Variants in SORCS2 observed in about 807,000 individuals in gnomAD.
SORCS2 encodes VPS10 domain-containing receptor SorCS2.
A neutral mutation model predicts 141.6 loss-of-function variants in SORCS2; 100 were observed. The observed-to-expected ratio is 0.71, with a 90% CI of 0.60 to 0.83. The LOEUF is 0.83. Among genes scored for constraint, SORCS2 ranks in the 40% least tolerant of loss-of-function variants. The pLI is 0.00. For synonymous variants in SORCS2, 789 were observed against 676.9 expected (o/e 1.17, Z -2.57); for missense variants, 1,646 against 1,560.2 (o/e 1.05, Z -0.93).
At chr4:7,260,430 A>G (rs1035653863) in intron 1 of SORCS2, among the ~76,000 whole-genome samples, 3 of 152,146 alleles carry the variant, frequency 2.0e-5, no homozygotes, top group Non-Finnish European at 2.9e-5. Context: ...TGATTGATCC[A>G]TCAATGGATT....
intron 21 of SORCS2, 23 bp from the exon 22 acceptor site, chr4:7,728,326 TC>T: frequency 6.3e-7 from 1 of 1,577,132 alleles, no homozygotes; most frequent in Non-Finnish European, 8.7e-7. Flanking sequence ...AACTGACCAG[TC>T]TCCCTTCTCT....
At chr4:7,434,505 G>A in intron 2 of SORCS2, 2 of 1,612,528 alleles carry the variant, frequency 1.2e-6, no homozygotes, top group African/African-American at 1.3e-5. Flanking sequence ...CACTGTCCGG[G>A]GCCCCACGGA....
chr4:7,667,097 C>G (rs1297874767), intron 7 of SORCS2, 27 bp from the exon 8 acceptor site: 2 of 1,596,338 alleles, frequency 1.3e-6, no homozygotes, highest in Admixed American at 1.7e-5. Flanking sequence ...TCAAGCCTCT[C>G]AAAAATGTGT....
intron 1 of SORCS2, among the ~76,000 whole-genome samples, chr4:7,265,220 C>A (rs528842252): frequency 6.6e-6 from 1 of 152,196 alleles, no homozygotes; most frequent in Admixed American, 6.5e-5. Context: ...AGGCTGGGCA[C>A]GATGGCTCAT....
chr4:7,693,088 G>A (rs956725155), intron 11 of SORCS2, among the ~76,000 whole-genome samples: 1 of 152,182 alleles, frequency 6.6e-6, no homozygotes, highest in Non-Finnish European at 1.5e-5. Context: ...GGTTCTTCCC[G>A]ACTGGGCGTG....
intron 14 of SORCS2, among the ~76,000 whole-genome samples, chr4:7,704,671 A>G (rs1725303010): frequency 6.6e-6 from 1 of 152,184 alleles, no homozygotes; most frequent in Non-Finnish European, 1.5e-5. Flanking sequence ...GCTCAGCCCC[A>G]GCTTGGGCCA....
intron 1 of SORCS2, among the ~76,000 whole-genome samples, chr4:7,210,143 C>T (rs1278670561): frequency 3.3e-5 from 5 of 152,174 alleles, no homozygotes; most frequent in African/African-American, 7.2e-5. Context: ...CAGAGAAGGA[C>T]GTCATCAGCC....
At position 7,683,019 on chromosome 4, in the gene SORCS2, C is replaced by G. The variant is rs955145305; in HGVS notation, c.1488+130C>G. On this transcript the variant is annotated intron_variant, in intron 10 of 26. Transcript: ENST00000507866. ...GAGACACATGAACCACCTATTTCTG[C>G]TGGGTGTGGTAGAGAGGGTCAAATG... 5.8e-6 allele frequency: 7 copies of G among 1,202,276 alleles called. No individual in the cohort carries two copies. The African/African-American group carries it at 1.1e-4, about 19-fold the overall frequency. The allele number at this position is 1,202,276 out of a possible 1,614,324, so 74.5% of individuals were successfully genotyped here.
At chr4:7,334,799 C>T (rs375697422) in intron 1 of SORCS2, among the ~76,000 whole-genome samples, 6 of 152,074 alleles carry the variant, frequency 3.9e-5, no homozygotes, top group African/African-American at 1.2e-4. Context: ...TGGCCGGCTT[C>T]ATGGAAGAGG....
intron 8 of SORCS2, among the ~76,000 whole-genome samples, chr4:7,672,619 G>T (rs568643993): frequency 5.1e-4 from 78 of 152,154 alleles, no homozygotes; most frequent in Admixed American, 1.1e-3. Context: ...CTTTCTACCT[G>T]CTTGCCTCTC....
At chr4:7,686,839 G>C (rs1723910581) in intron 10 of SORCS2, among the ~76,000 whole-genome samples, 2 of 152,234 alleles carry the variant, frequency 1.3e-5, no homozygotes, top group African/African-American at 4.8e-5. Context: ...CCGTCTGTTT[G>C]GCCGTCAGCA....
At position 7,388,022 on chromosome 4, in the gene SORCS2, A is replaced by T. The variant is rs528992539; in HGVS notation, c.481-8266A>T. On this transcript the variant is annotated intron_variant, in intron 1 of 26. Coordinates refer to ENST00000507866, the MANE Select transcript of SORCS2 (RefSeq NM_020777.3). ...CACACATGCACATGCATACAGATAC[A>T]CAGATACGCACACATGCACACACAC... Among the ~76,000 whole-genome samples, 10 of 152,076 alleles carry T rather than the reference A, an allele frequency of 6.6e-5. No homozygotes were observed. In the South Asian group the frequency reaches 1.2e-3, roughly 19 times the overall value.
chr4:7,512,468 AAGT>A (rs1732724231), intron 2 of SORCS2, among the ~76,000 whole-genome samples: 1 of 151,926 alleles, frequency 6.6e-6, no homozygotes, highest in Admixed American at 6.6e-5. Context: ...GGCAGGTAGG[AAGT>A]GTCCCTAGAG....
At chr4:7,238,768 T>A (rs545075417) in intron 1 of SORCS2, among the ~76,000 whole-genome samples, 59 of 152,288 alleles carry the variant, frequency 3.9e-4, no homozygotes, top group Admixed American at 1.3e-3. Context: ...CTCTGCTCCC[T>A]CTCTGGAGTC....
intron 8 of SORCS2, among the ~76,000 whole-genome samples, chr4:7,674,389 C>T (rs1380085518): frequency 1.3e-5 from 2 of 151,900 alleles, no homozygotes; most frequent in African/African-American, 2.4e-5. Flanking sequence ...CTGGCTAACA[C>T]AGTGAAACCC....
At chr4:7,662,284 C>T (rs1722228477) in intron 6 of SORCS2, among the ~76,000 whole-genome samples, 1 of 143,950 alleles carries the variant, frequency 6.9e-6, no homozygotes, top group Non-Finnish European at 1.5e-5. Context: ...GTGCTATTAC[C>T]GTTCTGTGTT....
chr4:7,318,883 GC>G, intron 1 of SORCS2, among the ~76,000 whole-genome samples: 1 of 152,258 alleles, frequency 6.6e-6, no homozygotes. Context: ...TGCCTTAGTA[GC>G]CAGTCTTCTC....
intron 2 of SORCS2, among the ~76,000 whole-genome samples, chr4:7,428,414 C>A (rs1726601459): frequency 6.6e-6 from 1 of 152,168 alleles, no homozygotes; most frequent in Admixed American, 6.5e-5. Flanking sequence ...GTGGCAGAGA[C>A]CACTGAGACG....
chr4:7,234,079 C>T (rs1056750438), intron 1 of SORCS2, among the ~76,000 whole-genome samples: 2 of 152,306 alleles, frequency 1.3e-5, no homozygotes, highest in African/African-American at 4.8e-5. Context: ...GCCCCATCTC[C>T]CCAGGTGCTG....
Sources: allele counts gnomAD v4.1 joint callset (sites outside exome capture counted in the v4.1 genomes callset), GRCh38; gene constraint gnomAD v4.1.1; transcripts MANE v1.5; gene names NCBI Gene and HGNC (gene_info 2026-07-23, HGNC 2026-07-21).